The following NRG1 variants were observed in gnomAD, a reference collection of about 807,000 sequenced individuals.
The protein encoded by NRG1 is neuregulin 1.
NRG1 carries 18 observed loss-of-function variants against 63.8 expected under a neutral mutation model. The ratio of observed to expected loss-of-function variants is 0.28; its 90% CI spans 0.19 to 0.42. The LOEUF is 0.42. NRG1 is among the 10% of genes least tolerant of loss of function. NRG1 has a pLI of 1.00. For synonymous variants in NRG1, 302 were observed against 301.3 expected (o/e 1.00, Z -0.02); for missense variants, 762 against 814.7 (o/e 0.94, Z 0.79).
At chr8:32,572,795 G>C (rs1415992814) in intron 1 of NRG1, among the ~76,000 whole-genome samples, 6 of 151,942 alleles carry the variant, frequency 3.9e-5, no homozygotes, top group African/African-American at 7.3e-5. Flanking sequence ...CTCACCCAAG[G>C]GTTTCTACAA....
At chr8:32,455,800 T>C (rs59299558) in intron 1 of NRG1, among the ~76,000 whole-genome samples, 29,347 of 152,168 alleles carry the variant, frequency 0.19, 3,367 homozygotes, top group South Asian at 0.31. Context: ...TATTTATTTA[T>C]TTAATTTGAG....
intron 1 of NRG1, among the ~76,000 whole-genome samples, chr8:32,350,263 A>G (rs573778619): frequency 6.6e-6 from 1 of 152,292 alleles, no homozygotes; most frequent in African/African-American, 2.4e-5. Flanking sequence ...TGAACTTTGA[A>G]TCATTAGATC....
chr8:31,667,842 A>G (rs909635357), intron 1 of NRG1, among the ~76,000 whole-genome samples: 1 of 152,214 alleles, frequency 6.6e-6, no homozygotes, highest in Non-Finnish European at 1.5e-5. Flanking sequence ...AGACACTGCA[A>G]ATTTCCGAAG....
chr8:32,230,025 T>G (rs1389736836), intron 1 of NRG1, among the ~76,000 whole-genome samples: 1 of 152,140 alleles, frequency 6.6e-6, no homozygotes, highest in Admixed American at 6.6e-5. Context: ...CTAAAAGTTT[T>G]CACACCTTGC....
chr8:32,040,316 C>G (rs1320400748), intron 1 of NRG1, among the ~76,000 whole-genome samples: 1 of 152,134 alleles, frequency 6.6e-6, no homozygotes, highest in Non-Finnish European at 1.5e-5. Flanking sequence ...AACAGCTACT[C>G]AAGGAATTGA....
intron 1 of NRG1, among the ~76,000 whole-genome samples, chr8:32,124,486 A>G (rs1249061288): frequency 6.6e-6 from 1 of 151,924 alleles, no homozygotes; most frequent in African/African-American, 2.4e-5. Context: ...CTAAATATTT[A>G]TGGAGCCCCG....
chr8:31,747,516 A>G, intron 1 of NRG1, among the ~76,000 whole-genome samples: 1 of 151,960 alleles, frequency 6.6e-6, no homozygotes, highest in Non-Finnish European at 1.5e-5. Flanking sequence ...GCATTTCCTG[A>G]GGGTACCTGT....
At chr8:31,886,848 A>G (rs1053088274) in intron 1 of NRG1, among the ~76,000 whole-genome samples, 3 of 152,042 alleles carry the variant, frequency 2.0e-5, no homozygotes, top group African/African-American at 7.2e-5. Context: ...GCTTTTGAGG[A>G]TTCCTATCTG....
intron 1 of NRG1, chr8:32,256,541 C>T (rs1586434520): frequency 6.6e-6 from 1 of 152,544 alleles, no homozygotes; most frequent in East Asian, 1.9e-4. Flanking sequence ...CGTCTGATCT[C>T]AGAAGCTAAG....
intron 1 of NRG1, among the ~76,000 whole-genome samples, chr8:32,323,980 C>G (rs187141189): frequency 2.1e-4 from 32 of 152,180 alleles, no homozygotes; most frequent in Admixed American, 6.5e-5. Context: ...CTGCCTCTCA[C>G]AACAATCGTG....
chr8:32,217,659 A>C (rs914049508), intron 1 of NRG1, among the ~76,000 whole-genome samples: 11 of 152,226 alleles, frequency 7.2e-5, no homozygotes, highest in African/African-American at 2.7e-4. Context: ...GAGAGGAACC[A>C]TGCATTACTG....
At chr8:32,688,971 ATC>A (rs1164403279) in intron 5 of NRG1, among the ~76,000 whole-genome samples, 4 of 152,156 alleles carry the variant, frequency 2.6e-5, no homozygotes, top group African/African-American at 7.2e-5. Context: ...TCACACCATA[ATC>A]TTAAACACAA....
At chr8:32,439,913 A>T (rs1158283360) in intron 1 of NRG1, among the ~76,000 whole-genome samples, 1 of 151,826 alleles carries the variant, frequency 6.6e-6, no homozygotes, top group Non-Finnish European at 1.5e-5. Context: ...AGTAGCTGAG[A>T]CCACAGGTGC....
intron 1 of NRG1, among the ~76,000 whole-genome samples, chr8:32,306,847 C>T (rs1856241682): frequency 6.6e-6 from 1 of 152,156 alleles, no homozygotes; most frequent in African/African-American, 2.4e-5. Context: ...CATCAAAGAA[C>T]CAAATCCAGT....
At chr8:32,301,775 G>A (rs1855591998) in intron 1 of NRG1, among the ~76,000 whole-genome samples, 1 of 152,142 alleles carries the variant, frequency 6.6e-6, no homozygotes, top group Non-Finnish European at 1.5e-5. Flanking sequence ...GGAAAGACCG[G>A]CCTGCATAAT....
chr8:32,319,427 G>T (rs1257362201), intron 1 of NRG1, among the ~76,000 whole-genome samples: 1 of 152,162 alleles, frequency 6.6e-6, no homozygotes, highest in East Asian at 1.9e-4. Context: ...GAGAAGCCTT[G>T]AGAACTGCCT....
chr8:32,335,743 C>A (rs1192453726), intron 1 of NRG1, among the ~76,000 whole-genome samples: 1 of 152,110 alleles, frequency 6.6e-6, no homozygotes, highest in African/African-American at 2.4e-5. Context: ...TATTACCTTG[C>A]TTTGGGCCCT....
chr8:32,428,828 G>A (rs1817755237), intron 1 of NRG1, among the ~76,000 whole-genome samples: 1 of 152,104 alleles, frequency 6.6e-6, no homozygotes, highest in Admixed American at 6.5e-5. Context: ...GTTGGATCTG[G>A]CCCTGTATAT....
chr8:31,795,248 A>C (rs1466679787), intron 1 of NRG1, among the ~76,000 whole-genome samples: 2 of 152,270 alleles, frequency 1.3e-5, no homozygotes, highest in East Asian at 1.9e-4. Context: ...CAGTTTTCTA[A>C]AGTGACAGGC....
Sources: gnomAD v4.1 joint callset for allele counts (sites outside exome capture counted in the v4.1 genomes callset) on GRCh38, gnomAD v4.1.1 for gene constraint, MANE v1.5 for transcripts, NCBI Gene and HGNC (gene_info 2026-07-23, HGNC 2026-07-21) for gene names.